Variants in TMEFF2 observed in about 807,000 individuals in gnomAD.
The protein encoded by TMEFF2 is transmembrane protein with EGF like and two follistatin like domains 2.
Under a neutral mutation model 53.8 loss-of-function variants are expected in TMEFF2, and 28 were observed. The ratio of observed to expected loss-of-function variants is 0.52; its 90% CI spans 0.39 to 0.71. The LOEUF (loss-of-function observed/expected upper bound fraction) is 0.71. TMEFF2 is among the 30% of genes least tolerant of loss of function. The probability of loss-of-function intolerance (pLI) is 0.00; values close to 1 mark genes in which losing one functional copy is unlikely to be tolerated. For synonymous variants in TMEFF2, 162 were observed against 166.3 expected, an observed-to-expected ratio of 0.97 and a Z score of 0.20; for missense variants, 353 against 455.2, an observed-to-expected ratio of 0.78 and a Z score of 2.04.
At chr2:192,131,767 C>T (rs1216718089) in intron 4 of TMEFF2, among the ~76,000 whole-genome samples, 3 of 152,138 alleles carry the variant, frequency 2.0e-5, no homozygotes, top group Non-Finnish European at 4.4e-5. Flanking sequence ...CTCTTCAACT[C>T]TCACCTGACC....
chr2:192,026,510 C>T (rs990699783), intron 5 of TMEFF2, among the ~76,000 whole-genome samples: 1 of 152,134 alleles, frequency 6.6e-6, no homozygotes, highest in African/African-American at 2.4e-5. Flanking sequence ...AGTGCAGTGG[C>T]TTTTACTTGT....
At chr2:191,963,285 T>C (rs550426455) in intron 7 of TMEFF2, among the ~76,000 whole-genome samples, 92 of 152,224 alleles carry the variant, frequency 6.0e-4, no homozygotes, top group Non-Finnish European at 1.0e-3. Context: ...CTCTTCCTTT[T>C]TGTCTTGAAC....
chr2:191,982,649 T>C (rs1207526789), intron 7 of TMEFF2, among the ~76,000 whole-genome samples: 2 of 152,178 alleles, frequency 1.3e-5, no homozygotes, highest in African/African-American at 2.4e-5. Flanking sequence ...ATGAGTTTTA[T>C]ACTAAGAATA....
Position 191,949,826 on chromosome 2 carries a change from TA to T in TMEFF2, c.*484del. The stretch of plus-strand genomic sequence containing the variant: ...TATCCTCACTCGATATAAAGTAAAT[TA>T]TTTTTTCTCTTTTCCAATAACCATC... On this transcript the variant is annotated 3_prime_UTR_variant, in exon 10 of 10. Transcript: ENST00000272771. 1 of 985,596 alleles carries T rather than the reference TA, an allele frequency of 1.0e-6. No homozygotes were observed. Among genetic ancestry groups the T allele is most frequent in the Non-Finnish European group, 1.2e-6 (1 of 829,948 alleles). The allele number at this position is 985,596 out of a possible 1,614,324, so 61.1% of individuals were successfully genotyped here. A position where few individuals can be genotyped will look rare whatever the true frequency, so the allele number is the denominator to read the frequency against.
chr2:192,041,565 A>C (rs1687481728), intron 5 of TMEFF2, among the ~76,000 whole-genome samples: 1 of 152,210 alleles, frequency 6.6e-6, no homozygotes, highest in Non-Finnish European at 1.5e-5. Flanking sequence ...CCTTCCTCAA[A>C]AAGTTAACCA....
rs574547104 is a variant in TMEFF2 at position 192,083,430 on chromosome 2, T to C, written c.440-25655A>G. 4.6e-5 allele frequency among the ~76,000 whole-genome samples: 7 copies of C among 152,172 alleles called. No homozygotes were observed. In the South Asian group the frequency reaches 1.5e-3, roughly 32 times the overall value. ...TTCCTATTTATGCAGAAAACAGCAA[T>C]ATGGACAGTAAGTCTATTGGGACTT... On this transcript the variant is annotated intron_variant, in intron 4 of 9. Coordinates refer to ENST00000272771, the MANE Select transcript of TMEFF2 (RefSeq NM_016192.4).
chr2:192,076,653 T>C (rs1416643773), intron 4 of TMEFF2, among the ~76,000 whole-genome samples: 1 of 152,166 alleles, frequency 6.6e-6, no homozygotes, highest in Non-Finnish European at 1.5e-5. Flanking sequence ...ATCCCATTTC[T>C]CCAATTCACT....
At chr2:192,184,934 T>A (rs1691274651) in intron 2 of TMEFF2, among the ~76,000 whole-genome samples, 1 of 152,036 alleles carries the variant, frequency 6.6e-6, no homozygotes, top group Non-Finnish European at 1.5e-5. Flanking sequence ...ATCAATTAAC[T>A]CTTAGTTGTT....
At chr2:192,079,356 G>A (rs548053288) in intron 4 of TMEFF2, among the ~76,000 whole-genome samples, 17 of 152,264 alleles carry the variant, frequency 1.1e-4, no homozygotes, top group African/African-American at 3.9e-4. Context: ...CAGTTGGAAG[G>A]CTTCTGTAGC....
Position 192,092,536 on chromosome 2 carries a change from T to C in TMEFF2, c.440-34761A>G, listed in dbSNP as rs982860301. 3.3e-5 allele frequency among the ~76,000 whole-genome samples: 5 copies of C among 152,266 alleles called. No individual in the cohort carries two copies. The East Asian group carries it at 9.7e-4, about 29-fold the overall frequency. ...GGACTGGCTGGGAAGGAAGTTTGTA[T>C]TGAACGCTATAGTAGGCAGAATAAT... is the stretch of plus-strand genomic sequence containing the variant. On this transcript the variant is annotated intron_variant, in intron 4 of 9. Transcript: ENST00000272771.
intron 4 of TMEFF2, among the ~76,000 whole-genome samples, chr2:192,058,848 C>G (rs1687976652): frequency 6.6e-6 from 1 of 152,084 alleles, no homozygotes; most frequent in Non-Finnish European, 1.5e-5. Flanking sequence ...AGCAATTAAT[C>G]CCAGCATTAG....
chr2:192,167,055 A>G (rs1690786370), intron 4 of TMEFF2, among the ~76,000 whole-genome samples: 1 of 151,986 alleles, frequency 6.6e-6, no homozygotes, highest in African/African-American at 2.4e-5. Context: ...TTAAATGGAT[A>G]CTCTTTTCAG....
At position 192,020,183 on chromosome 2, in the gene TMEFF2, C is replaced by T. The variant is rs141637394; in HGVS notation, c.537-20975G>A. On this transcript the variant is annotated intron_variant, in intron 5 of 9. Transcript: ENST00000272771. ...GTTGGTTCTTCAATTTGCCTAGTGG[C>T]ATGTGCTGCTAAATTTGACAAAATG... 1.2e-3 allele frequency among the ~76,000 whole-genome samples: 186 copies of T among 152,206 alleles called. 3 individuals carry two copies. In the East Asian group the frequency reaches 0.035, roughly 29 times the overall value.
rs1691815061 is a variant in TMEFF2 at position 191,949,822 on chromosome 2, A to AAATT, written c.*485_*488dup. 2 of 985,594 alleles carry AAATT rather than the reference A, an allele frequency of 2.0e-6. No homozygotes were observed. Among genetic ancestry groups the AAATT allele is most frequent in the Non-Finnish European group, 2.4e-6 (2 of 829,960 alleles). The allele number at this position is 985,594 out of a possible 1,614,324, so 61.1% of individuals were successfully genotyped here. A position where few individuals can be genotyped will look rare whatever the true frequency, so the allele number is the denominator to read the frequency against. On this transcript the variant is annotated 3_prime_UTR_variant, in exon 10 of 10. Coordinates refer to ENST00000272771, the MANE Select transcript of TMEFF2 (RefSeq NM_016192.4). ...ATTTTATCCTCACTCGATATAAAGT[A>AAATT]AATTATTTTTTCTCTTTTCCAATAA...
Position 191,999,228 on chromosome 2 carries a change from A to G in TMEFF2, c.537-20T>C. 6.4e-7 allele frequency: 1 copy of G among 1,562,524 alleles called. No homozygotes were observed. Among genetic ancestry groups the G allele is most frequent in the Non-Finnish European group, 8.7e-7 (1 of 1,145,622 alleles). ...ACACACCTAAAAAAAGAGAGAAATAAAAACATGTAACATCAATAGTGTTGT... is the reference window on the plus strand; with the variant it reads ...ACACACCTAAAAAAAGAGAGAAATAGAAACATGTAACATCAATAGTGTTGT... On this transcript the variant is annotated intron_variant, in intron 5 of 9. Transcript: ENST00000272771.
At chr2:192,184,202 A>C (rs143741904) in intron 3 of TMEFF2, 152 bp downstream of exon 3, 1 of 1,027,542 alleles carries the variant, frequency 9.7e-7, no homozygotes, top group Non-Finnish European at 1.4e-6. Flanking sequence ...AATGACAAAG[A>C]ATAAGAATAA....
chr2:192,140,853 G>A (rs1690120251), intron 4 of TMEFF2, among the ~76,000 whole-genome samples: 1 of 152,184 alleles, frequency 6.6e-6, no homozygotes, highest in Non-Finnish European at 1.5e-5. Context: ...GGCAGGACAG[G>A]GGGAATGATG....
intron 4 of TMEFF2, among the ~76,000 whole-genome samples, chr2:192,146,907 G>C (rs1456088583): frequency 1.3e-5 from 2 of 152,056 alleles, no homozygotes; most frequent in Non-Finnish European, 2.9e-5. Flanking sequence ...TATTTGGAAA[G>C]TTCAAAGGAA....
At chr2:192,165,130 C>CT (rs1354458896) in intron 4 of TMEFF2, among the ~76,000 whole-genome samples, 1 of 152,038 alleles carries the variant, frequency 6.6e-6, no homozygotes, top group African/African-American at 2.4e-5. Flanking sequence ...AAACACCTTA[C>CT]TTTTAACCAA....
Sources: allele counts gnomAD v4.1 joint callset (sites outside exome capture counted in the v4.1 genomes callset), GRCh38; gene constraint gnomAD v4.1.1; transcripts MANE v1.5; gene names NCBI Gene and HGNC (gene_info 2026-07-23, HGNC 2026-07-21).